XRCC4: variants seen among roughly 807,000 people sequenced by gnomAD.
XRCC4 encodes X-ray repair cross complementing 4, also known as DNA repair protein XRCC4.
XRCC4 carries 28 observed loss-of-function variants against 39.1 expected under a neutral mutation model. That is an observed-to-expected ratio of 0.72 (90% confidence interval 0.53 to 0.98). The LOEUF is 0.98. Ranked by LOEUF, XRCC4 falls within the 50% of genes least tolerant of loss-of-function variation. The pLI is 0.00. For missense variants in XRCC4, 350 were observed against 376.4 expected, an observed-to-expected ratio of 0.93 and a Z score of 0.58; for synonymous variants, 123 against 126.4, an observed-to-expected ratio of 0.97 and a Z score of 0.18.
chr5:83,225,944 T>C (rs1455318451), intron 6 of XRCC4, among the ~76,000 whole-genome samples: 1 of 152,048 alleles, frequency 6.6e-6, no homozygotes, highest in Non-Finnish European at 1.5e-5. Flanking sequence ...CTCTCAGAGC[T>C]AGTAGGTTTA....
At chr5:83,177,918 CT>C (rs1478512948) in intron 3 of XRCC4, among the ~76,000 whole-genome samples, 3 of 152,140 alleles carry the variant, frequency 2.0e-5, no homozygotes, top group Non-Finnish European at 4.4e-5. Flanking sequence ...AAACAAGTCA[CT>C]AGAAGAGTCA....
At chr5:83,080,786 G>A (rs756384952) in intron 1 of XRCC4, among the ~76,000 whole-genome samples, 4 of 152,076 alleles carry the variant, frequency 2.6e-5, no homozygotes, top group South Asian at 2.1e-4. Flanking sequence ...GAGTAACGAC[G>A]CTGGCAATTT....
At chr5:83,347,474 G>A (rs1013983378) in intron 7 of XRCC4, among the ~76,000 whole-genome samples, 2 of 152,024 alleles carry the variant, frequency 1.3e-5, no homozygotes, top group Non-Finnish European at 2.9e-5. Context: ...TGACTGGCAG[G>A]AGAGAGAGAG....
At chr5:83,164,974 TAAATA>T (rs1749391314) in intron 3 of XRCC4, among the ~76,000 whole-genome samples, 1 of 147,672 alleles carries the variant, frequency 6.8e-6, no homozygotes, top group Non-Finnish European at 1.5e-5. Context: ...TATTTTATTT[TAAATA>T]AAATATTTTT....
chr5:83,153,255 C>CTGGA (rs1748802828), intron 3 of XRCC4, among the ~76,000 whole-genome samples: 1 of 150,270 alleles, frequency 6.7e-6, no homozygotes. Flanking sequence ...GTCACTCAGG[C>CTGGA]TGGAGTGCAG....
At chr5:83,357,069 CT>C (rs1483820989), downstream of XRCC4, among the ~76,000 whole-genome samples, 2 of 152,176 alleles carry the variant, frequency 1.3e-5, no homozygotes, top group Non-Finnish European at 2.9e-5. Context: ...CCAAGCAGCT[CT>C]TTATTGGGCA....
intron 1 of XRCC4, among the ~76,000 whole-genome samples, chr5:83,102,857 T>G (rs888476949): frequency 6.6e-6 from 1 of 151,794 alleles, no homozygotes; most frequent in Admixed American, 6.6e-5. Flanking sequence ...ACAAGCAAAG[T>G]GCTGTGGTAA....
chr5:83,128,632 C>G (rs938016170), intron 3 of XRCC4, among the ~76,000 whole-genome samples: 1 of 152,132 alleles, frequency 6.6e-6, no homozygotes, highest in Admixed American at 6.5e-5. Flanking sequence ...TTCTCCAGCA[C>G]CTGTTGTTTC....
At chr5:83,177,143 T>C (rs998493295) in intron 3 of XRCC4, among the ~76,000 whole-genome samples, 6 of 152,210 alleles carry the variant, frequency 3.9e-5, no homozygotes, top group African/African-American at 1.4e-4. Context: ...ATGCTAAATA[T>C]GCTGTTTTTT....
chr5:83,101,094 T>C (rs1580217590), intron 1 of XRCC4, among the ~76,000 whole-genome samples: 1 of 152,232 alleles, frequency 6.6e-6, no homozygotes, highest in East Asian at 1.9e-4. Flanking sequence ...GATTACTTTA[T>C]AATGTTTTTT....
rs572912289 is a variant in XRCC4 at position 83,265,826 on chromosome 5, T to C, written c.893+7149T>C. 2.1e-3 allele frequency among the ~76,000 whole-genome samples: 314 copies of C among 151,922 alleles called. 1 individual carries two copies. The highest frequency in any genetic ancestry group is 0.01 in the Middle Eastern group (3 of 294). On this transcript the variant is annotated intron_variant, in intron 7 of 7. Transcript: ENST00000396027. ...CATAATTTCAAGATAATATGTTTCA[T>C]TGGAGCTTACATAGGTGTTTTAATA...
chr5:83,154,448 A>C (rs1057008041), intron 3 of XRCC4, among the ~76,000 whole-genome samples: 1 of 152,216 alleles, frequency 6.6e-6, no homozygotes, highest in Non-Finnish European at 1.5e-5. Context: ...GTATAATGCA[A>C]ATATTCCCAA....
Position 83,150,191 on chromosome 5 carries a change from C to A in XRCC4, c.315+38988C>A, listed in dbSNP as rs1314716780. On this transcript the variant is annotated intron_variant, in intron 3 of 7. Coordinates refer to ENST00000396027, the MANE Select transcript of XRCC4 (RefSeq NM_003401.5). ...CTTCATGTGTAATACCAGCACTCTT[C>A]ATAAAATATTTTTTGTATTGTCTGT... is the stretch of plus-strand genomic sequence containing the variant. Among the ~76,000 whole-genome samples the A allele has an allele frequency of 2.0e-5, 3 of 152,226 alleles. No homozygotes were observed. The East Asian group carries it at 5.8e-4, about 29-fold the overall frequency.
At chr5:83,368,873 T>C in the XRCC4 span, among the ~76,000 whole-genome samples, 20 of 152,308 alleles carry the variant, frequency 1.3e-4, no homozygotes, top group Non-Finnish European at 2.8e-4. Context: ...TTAGAATGGA[T>C]AGAGACATAG....
chr5:83,097,821 T>G (rs1341836093), intron 1 of XRCC4, among the ~76,000 whole-genome samples: 1 of 152,142 alleles, frequency 6.6e-6, no homozygotes, highest in Admixed American at 6.6e-5. Flanking sequence ...CTAGAAAGTT[T>G]CCAAAATGAT....
chr5:83,191,880 A>G (rs1483072899), intron 3 of XRCC4, among the ~76,000 whole-genome samples: 1 of 152,082 alleles, frequency 6.6e-6, no homozygotes, highest in Non-Finnish European at 1.5e-5. Flanking sequence ...TGTCTTTATC[A>G]GCTGTGTGAA....
At chr5:83,271,737 AAG>A (rs1561446493) in intron 7 of XRCC4, among the ~76,000 whole-genome samples, 1 of 151,596 alleles carries the variant, frequency 6.6e-6, no homozygotes, top group Non-Finnish European at 1.5e-5. Flanking sequence ...AGTGGGAGGG[AAG>A]AGAGAGAGAG....
chr5:83,191,400 C>T (rs1439576284), intron 3 of XRCC4, among the ~76,000 whole-genome samples: 1 of 144,150 alleles, frequency 6.9e-6, no homozygotes, highest in Admixed American at 6.7e-5. Context: ...CTCATGAGAT[C>T]TGATGGTTTT....
intron 7 of XRCC4, among the ~76,000 whole-genome samples, chr5:83,281,516 T>G (rs555463417): frequency 1.1e-4 from 16 of 152,054 alleles, no homozygotes; most frequent in African/African-American, 3.6e-4. Context: ...TTTTTTTTTT[T>G]AATTTTGTAC....
Sources: allele counts gnomAD v4.1 joint callset (sites outside exome capture counted in the v4.1 genomes callset), GRCh38; gene constraint gnomAD v4.1.1; transcripts MANE v1.5; gene names NCBI Gene and HGNC (gene_info 2026-07-23, HGNC 2026-07-21).